RHBDD1: variants seen among roughly 807,000 people sequenced by gnomAD.
RHBDD1 encodes the protein rhomboid domain containing 1.
RHBDD1 carries 38 observed loss-of-function variants against 36.3 expected under a neutral mutation model. That is an observed-to-expected ratio of 1.05 (90% CI 0.81 to 1.37). The LOEUF (loss-of-function observed/expected upper bound fraction) is 1.37. Among genes scored for constraint, RHBDD1 ranks in the 40% most tolerant of loss-of-function variants. The pLI is 0.00. For synonymous variants in RHBDD1, 151 were observed against 136.5 expected (o/e 1.11, Z -0.74); for missense variants, 393 against 377.6 (o/e 1.04, Z -0.34).
chr2:226,817,422 G>A, the RHBDD1 span, among the ~76,000 whole-genome samples: 2,802 of 152,220 alleles, frequency 0.018, 100 homozygotes, highest in African/African-American at 0.063. Flanking sequence ...ACTGGGCACC[G>A]ATCAGGTACA....
chr2:226,916,750 A>G (rs1948935157), intron 8 of RHBDD1, among the ~76,000 whole-genome samples: 1 of 152,204 alleles, frequency 6.6e-6, no homozygotes, highest in Non-Finnish European at 1.5e-5. Context: ...AAAACCTCCC[A>G]TGTTAAATGT....
chr2:226,893,780 A>G (rs1183893594), intron 5 of RHBDD1, among the ~76,000 whole-genome samples: 3 of 152,144 alleles, frequency 2.0e-5, no homozygotes, highest in Admixed American at 2.0e-4. Flanking sequence ...TTTGGGGTGC[A>G]GGGGCCAAAG....
the RHBDD1 span, among the ~76,000 whole-genome samples, chr2:226,826,284 A>C: frequency 6.6e-6 from 1 of 152,224 alleles, no homozygotes; most frequent in Admixed American, 6.5e-5. Context: ...TAAGTATTAA[A>C]ACACTTGCAG....
At chr2:226,889,743 G>A (rs550707839) in intron 5 of RHBDD1, among the ~76,000 whole-genome samples, 9 of 152,198 alleles carry the variant, frequency 5.9e-5, no homozygotes, top group African/African-American at 1.7e-4. Flanking sequence ...TATAGATGCC[G>A]AGCAAAGGCC....
chr2:226,906,705 A>T (rs1347760038), intron 5 of RHBDD1, 88 bp from the exon 6 acceptor site: 1 of 1,603,494 alleles, frequency 6.2e-7, no homozygotes, highest in Non-Finnish European at 8.5e-7. Flanking sequence ...GACTGTGACT[A>T]TTTGACATGC....
At chr2:226,984,137 G>A (rs989192636) in intron 8 of RHBDD1, among the ~76,000 whole-genome samples, 1 of 152,230 alleles carries the variant, frequency 6.6e-6, no homozygotes, top group African/African-American at 2.4e-5. Flanking sequence ...TCACCGCTCT[G>A]ATCACTGGGG....
At chr2:226,963,501 G>A (rs900029012) in intron 8 of RHBDD1, among the ~76,000 whole-genome samples, 23 of 152,016 alleles carry the variant, frequency 1.5e-4, no homozygotes, top group African/African-American at 4.6e-4. Context: ...GACTACTCGC[G>A]GGTGACCCCA....
intron 3 of RHBDD1, among the ~76,000 whole-genome samples, chr2:226,847,451 T>TTA (rs60934415): frequency 0.24 from 35,880 of 152,100 alleles, 7,885 homozygotes; most frequent in African/African-American, 0.59. Flanking sequence ...ACATATATTT[T>TTA]TATTATTTGC....
rs145074502 is a variant in RHBDD1, at chr2:226,838,168, C to T, written c.-310+14C>T. 6.6e-6 allele frequency: 1 copy of T among 152,258 alleles called. No homozygotes were observed. The highest frequency in any genetic ancestry group is 2.4e-5 in the African/African-American group (1 of 41,518). 9.4% of individuals were successfully genotyped at this position (152,258 alleles called of 1,614,324 possible). On this transcript the variant is annotated intron_variant, in intron 2 of 8. Transcript: ENST00000392062. ...AATGTTGAGAAGGTCAGTGCCAAAC[C>T]GTGGCCTACACATGTCGTTTTGATG... is the stretch of plus-strand genomic sequence containing the variant.
At chr2:226,938,403 T>G (rs1292061365) in intron 8 of RHBDD1, among the ~76,000 whole-genome samples, 1 of 152,096 alleles carries the variant, frequency 6.6e-6, no homozygotes, top group East Asian at 1.9e-4. Flanking sequence ...TTGTTGATAG[T>G]TTCTTTTGCT....
the RHBDD1 span, among the ~76,000 whole-genome samples, chr2:226,809,523 G>A: frequency 2.6e-5 from 4 of 152,112 alleles, no homozygotes; most frequent in Admixed American, 6.5e-5. Flanking sequence ...AAATTCCTAT[G>A]AGGACAGAGA....
At chr2:226,948,837 G>T (rs925377662) in intron 8 of RHBDD1, among the ~76,000 whole-genome samples, 2 of 152,098 alleles carry the variant, frequency 1.3e-5, no homozygotes, top group Non-Finnish European at 2.9e-5. Context: ...CAAATAGAGA[G>T]GAAGTCAAAT....
At chr2:226,939,380 C>G (rs987597546) in intron 8 of RHBDD1, among the ~76,000 whole-genome samples, 1 of 152,180 alleles carries the variant, frequency 6.6e-6, no homozygotes, top group African/African-American at 2.4e-5. Context: ...AAAACTCCGT[C>G]GTCTCAGCCC....
At chr2:226,953,893 C>T (rs1399083595) in intron 8 of RHBDD1, among the ~76,000 whole-genome samples, 1 of 152,184 alleles carries the variant, frequency 6.6e-6, no homozygotes, top group East Asian at 1.9e-4. Flanking sequence ...AGCAGGACAT[C>T]TCTGCCATTT....
At chr2:226,891,175 A>G (rs1173280032) in intron 5 of RHBDD1, among the ~76,000 whole-genome samples, 1 of 152,170 alleles carries the variant, frequency 6.6e-6, no homozygotes, top group Non-Finnish European at 1.5e-5. Context: ...GACTGCAACA[A>G]AGGTGTCAGT....
chr2:226,811,378 T>C, the RHBDD1 span, among the ~76,000 whole-genome samples: 3 of 152,254 alleles, frequency 2.0e-5, no homozygotes, highest in Non-Finnish European at 2.9e-5. Context: ...CTTGGCTCAC[T>C]TCAACCTCCG....
chr2:226,971,364 T>C (rs1953457930), intron 8 of RHBDD1, among the ~76,000 whole-genome samples: 1 of 152,224 alleles, frequency 6.6e-6, no homozygotes, highest in Admixed American at 6.5e-5. Flanking sequence ...GTCTGAACCC[T>C]TAGCGGGCTC....
At chr2:226,828,205 T>C in the RHBDD1 span, among the ~76,000 whole-genome samples, 1 of 152,218 alleles carries the variant, frequency 6.6e-6, no homozygotes, top group East Asian at 1.9e-4. Context: ...TTCATGTAAA[T>C]GGAATCACAC....
intron 8 of RHBDD1, among the ~76,000 whole-genome samples, chr2:226,971,760 A>G (rs147702717): frequency 5.1e-4 from 78 of 151,914 alleles, no homozygotes; most frequent in African/African-American, 1.8e-3. Context: ...GCTCTAAGTT[A>G]TCTGTCATGT....
Sources: gnomAD v4.1 joint callset for allele counts (sites outside exome capture counted in the v4.1 genomes callset) on GRCh38, gnomAD v4.1.1 for gene constraint, MANE v1.5 for transcripts, NCBI Gene and HGNC (gene_info 2026-07-23, HGNC 2026-07-21) for gene names.